TSHZ2: variants seen among roughly 807,000 people sequenced by gnomAD.
TSHZ2 encodes the protein teashirt homolog 2.
TSHZ2 carries 21 observed loss-of-function variants against 74.4 expected under a neutral mutation model. The observed-to-expected ratio is 0.28, with a 90% CI of 0.20 to 0.41. TSHZ2 has a LOEUF of 0.41. Among genes scored for constraint, TSHZ2 ranks in the 10% least tolerant of loss-of-function variants. The pLI is 1.00. For missense variants in TSHZ2, 1,244 were observed against 1,293.5 expected (o/e 0.96, Z 0.59); for synonymous variants, 540 against 515.3 (o/e 1.05, Z -0.65).
intron 2 of TSHZ2, among the ~76,000 whole-genome samples, chr20:53,370,413 A>T (rs151013522): frequency 1.2e-4 from 19 of 152,298 alleles, no homozygotes; most frequent in African/African-American, 4.3e-4. Flanking sequence ...AACAGAAATC[A>T]TGGTTTTTAT....
chr20:53,239,054 A>G (rs1219139254), intron 1 of TSHZ2, among the ~76,000 whole-genome samples: 1 of 152,168 alleles, frequency 6.6e-6, no homozygotes, highest in Non-Finnish European at 1.5e-5. Flanking sequence ...CTAGGGATAA[A>G]GCAATGAACC....
At chr20:53,277,442 C>T (rs1286435753) in intron 2 of TSHZ2, among the ~76,000 whole-genome samples, 1 of 149,170 alleles carries the variant, frequency 6.7e-6, no homozygotes, top group Non-Finnish European at 1.5e-5. Flanking sequence ...CAAAAAAAAC[C>T]AAAAAACTAA....
At chr20:53,186,289 C>T (rs1988597887) in intron 1 of TSHZ2, among the ~76,000 whole-genome samples, 1 of 152,188 alleles carries the variant, frequency 6.6e-6, no homozygotes, top group Non-Finnish European at 1.5e-5. Context: ...TCTTTTAGAG[C>T]TGGGTATTAA....
intron 1 of TSHZ2, among the ~76,000 whole-genome samples, chr20:52,984,346 G>C (rs1329295067): frequency 6.6e-6 from 1 of 152,176 alleles, no homozygotes; most frequent in Non-Finnish European, 1.5e-5. Flanking sequence ...TGTTTGCAGA[G>C]GGTGTTTGCA....
chr20:52,978,275 A>G (rs1600626290), intron 1 of TSHZ2, among the ~76,000 whole-genome samples: 2 of 152,276 alleles, frequency 1.3e-5, no homozygotes, highest in South Asian at 2.1e-4. Context: ...AGCCATTGAA[A>G]TGATGCCTCA....
chr20:53,039,809 C>T (rs1281291195), intron 1 of TSHZ2, among the ~76,000 whole-genome samples: 1 of 147,910 alleles, frequency 6.8e-6, no homozygotes, highest in African/African-American at 2.5e-5. Context: ...CACACACACA[C>T]ACACACCAGT....
chr20:53,284,232 C>T (rs997778561), intron 2 of TSHZ2, among the ~76,000 whole-genome samples: 14 of 152,302 alleles, frequency 9.2e-5, no homozygotes, highest in South Asian at 4.1e-4. Context: ...ATCTTAGTTA[C>T]GCACGCCCAT....
At chr20:53,132,424 C>G (rs1282009388) in intron 1 of TSHZ2, among the ~76,000 whole-genome samples, 2 of 151,692 alleles carry the variant, frequency 1.3e-5, no homozygotes, top group Admixed American at 6.6e-5. Flanking sequence ...AATTCTCCTG[C>G]CTCACCCTCC....
chr20:53,399,715 G>T (rs4811428), intron 2 of TSHZ2: 3 of 151,966 alleles, frequency 2.0e-5, no homozygotes, highest in African/African-American at 7.3e-5. Flanking sequence ...CAGTCGCCTT[G>T]CCAGTCGCTG....
At chr20:53,267,677 A>C (rs1240956782) in intron 2 of TSHZ2, among the ~76,000 whole-genome samples, 1 of 152,196 alleles carries the variant, frequency 6.6e-6, no homozygotes, top group Non-Finnish European at 1.5e-5. Context: ...TGTATGTTAG[A>C]TGCTTGCAAT....
chr20:53,084,796 AC>A, intron 1 of TSHZ2, among the ~76,000 whole-genome samples: 1 of 150,254 alleles, frequency 6.7e-6, no homozygotes, highest in Admixed American at 6.8e-5. Context: ...CTCAGTTCAT[AC>A]TTTTTTATGC....
intron 2 of TSHZ2, among the ~76,000 whole-genome samples, chr20:53,469,191 G>T (rs938163010): frequency 6.7e-5 from 10 of 150,170 alleles, no homozygotes; most frequent in African/African-American, 2.4e-4. Context: ...TGTAATATTG[G>T]ATACCTTGTT....
At chr20:53,447,778 G>C (rs1334153) in intron 2 of TSHZ2, among the ~76,000 whole-genome samples, 50,186 of 152,076 alleles carry the variant, frequency 0.33, 8,598 homozygotes, top group Non-Finnish European at 0.35. Context: ...TGTGTGGCAA[G>C]TTTACCAATG....
chr20:53,097,728 A>T (rs573947001), intron 1 of TSHZ2: 15 of 155,708 alleles, frequency 9.6e-5, no homozygotes, highest in African/African-American at 3.6e-4. Context: ...CTGGCTGGCT[A>T]GGCGGGTGTC....
chr20:53,350,065 C>T (rs1275042429), intron 2 of TSHZ2, among the ~76,000 whole-genome samples: 1 of 152,204 alleles, frequency 6.6e-6, no homozygotes, highest in African/African-American at 2.4e-5. Flanking sequence ...TCCTCCCTCC[C>T]TTGTATAAGG....
intron 2 of TSHZ2, among the ~76,000 whole-genome samples, chr20:53,355,484 A>G (rs1949097039): frequency 6.6e-6 from 1 of 152,250 alleles, no homozygotes; most frequent in African/African-American, 2.4e-5. Context: ...CAAAAACATT[A>G]AGCTAAGTGA....
At chr20:53,407,176 G>C (rs1982885341) in intron 2 of TSHZ2, among the ~76,000 whole-genome samples, 1 of 152,110 alleles carries the variant, frequency 6.6e-6, no homozygotes, top group East Asian at 1.9e-4. Flanking sequence ...CTTTCTTCTT[G>C]AATTCCTTTC....
chr20:52,994,332 G>A (rs1982093411), intron 1 of TSHZ2, among the ~76,000 whole-genome samples: 1 of 152,110 alleles, frequency 6.6e-6, no homozygotes, highest in Non-Finnish European at 1.5e-5. Context: ...GTGAATGAAT[G>A]GATGAATGGA....
intron 1 of TSHZ2, among the ~76,000 whole-genome samples, chr20:52,992,588 G>A (rs567384201): frequency 6.6e-6 from 1 of 152,258 alleles, no homozygotes; most frequent in South Asian, 2.1e-4. Flanking sequence ...GCCACAAATG[G>A]AGAGAAAGAA....
Sources: allele counts gnomAD v4.1 joint callset (sites outside exome capture counted in the v4.1 genomes callset), GRCh38; gene constraint gnomAD v4.1.1; transcripts MANE v1.5; gene names NCBI Gene and HGNC (gene_info 2026-07-23, HGNC 2026-07-21).